Variants in ZNF474 observed in about 807,000 individuals in gnomAD.
The protein encoded by ZNF474 is 4933409D10Rik.
For missense variants in ZNF474, 511 were observed against 433.8 expected, an observed-to-expected ratio of 1.18 and a Z score of -1.58; for synonymous variants, 192 against 162.2, an observed-to-expected ratio of 1.18 and a Z score of -1.39.
rs1756186807 is a variant in ZNF474 at position 122,151,885 on chromosome 5, T to C, written c.-106T>C. On this transcript the variant is annotated 5_prime_UTR_variant, in exon 2 of 2. Transcript: ENST00000296600. ...TGTGAGGCTAAGGTACTGGCAACGG[T>C]GTGAACCCCAGGACAACTAACCTCA... 7.2e-7 allele frequency: 1 copy of C among 1,391,512 alleles called. No homozygotes were observed. Among genetic ancestry groups the C allele is most frequent in the Non-Finnish European group, 9.7e-7 (1 of 1,036,010 alleles). 86.2% of individuals were successfully genotyped at this position (1,391,512 alleles called of 1,614,324 possible).
intron 1 of ZNF474, among the ~76,000 whole-genome samples, chr5:122,141,266 T>G (rs1755837739): frequency 6.7e-6 from 1 of 149,712 alleles, no homozygotes; most frequent in Non-Finnish European, 1.5e-5. Context: ...TTCTCATGCT[T>G]CAGACACCCG....
intron 1 of ZNF474, among the ~76,000 whole-genome samples, chr5:122,130,373 T>G (rs1239053380): frequency 1.3e-5 from 2 of 152,168 alleles, no homozygotes; most frequent in Admixed American, 1.3e-4. Flanking sequence ...GCCACTGTTT[T>G]GATTTCTGTC....
intron 1 of ZNF474, among the ~76,000 whole-genome samples, chr5:122,142,573 A>G (rs921220247): frequency 2.0e-5 from 3 of 152,188 alleles, no homozygotes; most frequent in Non-Finnish European, 2.9e-5. Context: ...CCTAGACACC[A>G]GGCGACTCAT....
chr5:122,136,445 G>A (rs1203660497), intron 1 of ZNF474, among the ~76,000 whole-genome samples: 1 of 152,152 alleles, frequency 6.6e-6, no homozygotes, highest in Non-Finnish European at 1.5e-5. Context: ...TTTCTACCTA[G>A]TTAGGCAGTG....
At chr5:122,130,598 T>C (rs1755553126) in intron 1 of ZNF474, among the ~76,000 whole-genome samples, 1 of 152,220 alleles carries the variant, frequency 6.6e-6, no homozygotes, top group Non-Finnish European at 1.5e-5. Context: ...GTAGTTTGTT[T>C]GTTTCTAGTT....
intron 1 of ZNF474, among the ~76,000 whole-genome samples, chr5:122,133,737 A>G (rs1407900989): frequency 6.6e-6 from 1 of 151,986 alleles, no homozygotes; most frequent in Non-Finnish European, 1.5e-5. Context: ...TATTTTTTAC[A>G]TTTTGTAGTG....
rs1166694085 is a variant in ZNF474, at chr5:122,137,446, C to CAAAAAAAAAAAA, written c.-213+7783_-213+7794dup. 1.7e-4 allele frequency among the ~76,000 whole-genome samples: 2 copies of CAAAAAAAAAAAA among 11,612 alleles called. 1 individual carries two copies. Among genetic ancestry groups the CAAAAAAAAAAAA allele is most frequent in the African/African-American group, 3.5e-4 (2 of 5,774 alleles). 7.6% of individuals were successfully genotyped at this position (11,612 alleles called of 152,430 possible). On this transcript the variant is annotated intron_variant, in intron 1 of 1. Transcript: ENST00000296600. ...TGGGTGACAGAGTGAGACTCTGTCTCAAAAAAAAAAAAAAAAAAAAAAAAA... is the reference window on the plus strand; with the variant it reads ...TGGGTGACAGAGTGAGACTCTGTCTCAAAAAAAAAAAAAAAAAAAAAAAAAAAAAAAAAAAAA...
In ZNF474 at chr5:122,150,949, G is replaced by A. The variant is rs371659156; in HGVS notation, c.-212-830G>A. 6.9e-4 allele frequency among the ~76,000 whole-genome samples: 105 copies of A among 152,198 alleles called. 2 individuals are homozygous for A. The highest frequency in any genetic ancestry group is 5.9e-4 in the Admixed American group (9 of 15,290). On this transcript the variant is annotated intron_variant, in intron 1 of 1. Transcript: ENST00000296600. ...CAGATATCCCACCAGGATGGGTGCCGGCCTAGGCTGTACTCTTTGCTGGAG... is the reference window on the plus strand; with the variant it reads ...CAGATATCCCACCAGGATGGGTGCCAGCCTAGGCTGTACTCTTTGCTGGAG...
At chr5:122,148,816 A>G (rs981591551) in intron 1 of ZNF474, among the ~76,000 whole-genome samples, 1 of 151,724 alleles carries the variant, frequency 6.6e-6, no homozygotes, top group Non-Finnish European at 1.5e-5. Context: ...GGCTCTCTGC[A>G]AACTCTGCCT....
intron 1 of ZNF474, among the ~76,000 whole-genome samples, chr5:122,138,644 CTAAA>C (rs1404894618): frequency 2.0e-5 from 3 of 152,160 alleles, no homozygotes; most frequent in Non-Finnish European, 4.4e-5. Flanking sequence ...CATATCATCA[CTAAA>C]TAAGTGTCAG....
At chr5:122,135,569 T>C (rs889289316) in intron 1 of ZNF474, among the ~76,000 whole-genome samples, 19 of 152,216 alleles carry the variant, frequency 1.2e-4, no homozygotes, top group African/African-American at 3.9e-4. Context: ...ACAGCCACTA[T>C]GAACAGTATG....
intron 1 of ZNF474, among the ~76,000 whole-genome samples, chr5:122,137,446 CAAAAAAA>C (rs1166694085): frequency 0.022 from 250 of 11,500 alleles, no homozygotes; most frequent in South Asian, 0.16. Flanking sequence ...GACTCTGTCT[CAAAAAAA>C]AAAAAAAAAA....
chr5:122,152,512 A>G lies in ZNF474; in HGVS notation c.522A>G (p.Thr174=), dbSNP rs115260627. The G allele has an allele frequency of 1.9e-4, 302 of 1,614,192 alleles. No homozygotes were observed. The highest frequency in any genetic ancestry group is 2.4e-4 in the Non-Finnish European group (281 of 1,180,036). The change falls in exon 2 of 2, where the codon ACA becomes ACG. Residue 174 remains threonine, a synonymous_variant. Transcript: ENST00000296600. ...QLLPCESCGR[T]FLPDHLLVHH... ...TGCCCTGTGAATCCTGTGGCCGCACATTCTTGCCAGATCATCTTCTTGTTC... is the reference window on the plus strand; with the variant it reads ...TGCCCTGTGAATCCTGTGGCCGCACGTTCTTGCCAGATCATCTTCTTGTTC...
intron 1 of ZNF474, among the ~76,000 whole-genome samples, chr5:122,147,234 T>C (rs892469794): frequency 2.6e-5 from 4 of 152,162 alleles, no homozygotes; most frequent in South Asian, 2.1e-4. Context: ...ACCTCCTCTA[T>C]TTTAGAATCT....
intron 1 of ZNF474, among the ~76,000 whole-genome samples, chr5:122,149,263 C>T (rs1309091710): frequency 6.6e-6 from 1 of 152,168 alleles, no homozygotes; most frequent in African/African-American, 2.4e-5. Flanking sequence ...TATACCAAAC[C>T]TGCACATGTA....
In ZNF474 at chr5:122,153,071, G is replaced by A. The variant is rs367607175; in HGVS notation, c.1081G>A (p.Ala361Thr). The change falls in exon 2 of 2, where the codon GCC becomes ACC. Residue 361 changes from alanine to threonine, a missense_variant. By Grantham distance (58) the Ala-to-Thr change is moderately conservative. Transcript: ENST00000296600. ...TQDALGEPGG[A>T]LCL The stretch of plus-strand genomic sequence containing the variant: ...AGACGCATTAGGTGAACCTGGTGGT[G>A]CCCTCTGCCTGTAGGGGAACAAGAG... The A allele has an allele frequency of 3.1e-6, 5 of 1,610,222 alleles. No individual in the cohort carries two copies. Among genetic ancestry groups the A allele is most frequent in the Non-Finnish European group, 4.2e-6 (5 of 1,177,462 alleles).
In ZNF474 at chr5:122,152,786, C is replaced by G; in HGVS notation, c.796C>G (p.Pro266Ala). 6.2e-7 allele frequency: 1 copy of G among 1,614,162 alleles called. No individual in the cohort carries two copies. Among genetic ancestry groups the G allele is most frequent in the Non-Finnish European group, 8.5e-7 (1 of 1,180,034 alleles). Residue 266 changes from proline to alanine, a missense_variant, in exon 2 of 2, where the codon CCT (proline) becomes GCT (alanine). Pro to Ala is a conservative substitution (Grantham distance 27, BLOSUM62 -1). Coordinates refer to ENST00000296600, the MANE Select transcript of ZNF474 (RefSeq NM_207317.3). ...GCTCCACCAGCCACTCCCACAGAAG[C>G]CTCAGCCCCTTCCGAATGCACAGTC... is the stretch of plus-strand genomic sequence containing the variant. ...VELHQPLPQK[P>A]QPLPNAQSSQ...
chr5:122,141,211 C>T (rs890905406), intron 1 of ZNF474, among the ~76,000 whole-genome samples: 6 of 144,910 alleles, frequency 4.1e-5, no homozygotes, highest in African/African-American at 1.0e-4. Flanking sequence ...AGTGCTGTGG[C>T]GCGATCTCAG....
At chr5:122,144,000 T>G (rs1451688581) in intron 1 of ZNF474, among the ~76,000 whole-genome samples, 2 of 152,202 alleles carry the variant, frequency 1.3e-5, no homozygotes, top group Non-Finnish European at 2.9e-5. Context: ...TAATCCCACC[T>G]GTAGCTGTTC....
Sources: gnomAD v4.1 joint callset for allele counts (sites outside exome capture counted in the v4.1 genomes callset) on GRCh38, gnomAD v4.1.1 for gene constraint, MANE v1.5 for transcripts, NCBI Gene and HGNC (gene_info 2026-07-23, HGNC 2026-07-21) for gene names.